Variants in ELOVL7 observed in about 807,000 individuals in gnomAD.
The protein encoded by ELOVL7 is ELOVL fatty acid elongase 7.
Under a neutral mutation model 35.7 loss-of-function variants are expected in ELOVL7, and 27 were observed. The ratio of observed to expected loss-of-function variants is 0.76; its 90% CI spans 0.56 to 1.04. The LOEUF (loss-of-function observed/expected upper bound fraction) is 1.04, where lower values mean the gene tolerates loss of function less well. Among genes scored for constraint, ELOVL7 ranks in the 50% least tolerant of loss-of-function variants. The pLI, the probability that ELOVL7 is intolerant of heterozygous loss-of-function variation, is 0.00. For missense variants in ELOVL7, 327 were observed against 340.8 expected (o/e 0.96, Z 0.32); for synonymous variants, 113 against 114.6 (o/e 0.99, Z 0.09).
At chr5:60,807,582 A>C (rs2112307985) in intron 1 of ELOVL7, among the ~76,000 whole-genome samples, 1 of 152,274 alleles carries the variant, frequency 6.6e-6, no homozygotes, top group South Asian at 2.1e-4. Context: ...GGGGGAAAGA[A>C]ACCAAAGCAA....
At chr5:60,810,753 T>G (rs1745195086) in intron 1 of ELOVL7, among the ~76,000 whole-genome samples, 1 of 152,226 alleles carries the variant, frequency 6.6e-6, no homozygotes, top group South Asian at 2.1e-4. Flanking sequence ...GCATTTCATT[T>G]GTGGATATGT....
intron 3 of ELOVL7, among the ~76,000 whole-genome samples, chr5:60,775,218 T>G (rs1742834245): frequency 6.6e-6 from 1 of 152,070 alleles, no homozygotes; most frequent in Admixed American, 6.6e-5. Context: ...AAGAATGCAA[T>G]CCTATTTACA....
At position 60,754,630 on chromosome 5, in the gene ELOVL7, A is replaced by G. The variant is rs200747496; in HGVS notation, c.840T>C (p.Asp280=). The G allele has an allele frequency of 1.9e-6, 3 of 1,614,000 alleles. No individual in the cohort carries two copies. In the East Asian group the frequency reaches 6.7e-5, roughly 36 times the overall value. The change falls in exon 9 of 9, where the codon GAT becomes GAC. Residue 280 remains aspartate (D), a synonymous_variant. Coordinates refer to ENST00000508821, the MANE Select transcript of ELOVL7 (RefSeq NM_024930.3). The part of the protein sequence containing the change: ...TVKNGTCKNK[D]N ...CATAGACTTATGTTGGGCTTCAATTATCTTTGTTTTTGCAAGTTCCATTTT... is the reference window on the plus strand; with the variant it reads ...CATAGACTTATGTTGGGCTTCAATTGTCTTTGTTTTTGCAAGTTCCATTTT...
intron 1 of ELOVL7, among the ~76,000 whole-genome samples, chr5:60,825,432 T>C (rs988514955): frequency 6.6e-6 from 1 of 152,220 alleles, no homozygotes; most frequent in African/African-American, 2.4e-5. Context: ...GTGTTATATA[T>C]ATTTATATGT....
intron 4 of ELOVL7, among the ~76,000 whole-genome samples, chr5:60,769,472 C>G (rs1383610475): frequency 6.6e-6 from 1 of 152,170 alleles, no homozygotes; most frequent in Non-Finnish European, 1.5e-5. Flanking sequence ...CTAGCACTTT[C>G]AAACAATCAC....
intron 1 of ELOVL7, among the ~76,000 whole-genome samples, chr5:60,827,718 T>A (rs563794285): frequency 6.6e-6 from 1 of 152,192 alleles, no homozygotes; most frequent in African/African-American, 2.4e-5. Context: ...CAAATGAGCA[T>A]GTAATTTATT....
rs201156536 is a variant in ELOVL7, at chr5:60,771,963, C to A, written c.195G>T (p.Lys65Asn). 3.7e-6 allele frequency: 6 copies of A among 1,613,950 alleles called. No individual in the cohort carries two copies. Among genetic ancestry groups the A allele is most frequent in the Non-Finnish European group, 4.2e-6 (5 of 1,179,934 alleles). ...LMENRKPFEL[K>N]KAMITYNFFI... ...AAAAATTGTACGTTATCATTGCTTT[C>A]TTGAGTTCAAAGGGCTTGCGATTTT... Residue 65 changes from lysine to asparagine, a missense_variant, in exon 4 of 9, where the codon AAG becomes AAT. Lys to Asn is a moderately conservative substitution (Grantham distance 94). Transcript: ENST00000508821.
chr5:60,836,158 C>T (rs1343956461), intron 1 of ELOVL7, among the ~76,000 whole-genome samples: 3 of 152,002 alleles, frequency 2.0e-5, no homozygotes, highest in African/African-American at 7.3e-5. Flanking sequence ...TATATATACA[C>T]ATTTTATTTA....
chr5:60,790,653 T>C (rs1743882600), intron 2 of ELOVL7, among the ~76,000 whole-genome samples: 1 of 152,154 alleles, frequency 6.6e-6, no homozygotes, highest in Non-Finnish European at 1.5e-5. Flanking sequence ...TAAAAAATCA[T>C]CTCTCATCTC....
chr5:60,829,637 T>G (rs1746369119), intron 1 of ELOVL7, among the ~76,000 whole-genome samples: 1 of 152,092 alleles, frequency 6.6e-6, no homozygotes, highest in African/African-American at 2.4e-5. Flanking sequence ...AAAGACATAC[T>G]AGAGAAGAAG....
intron 2 of ELOVL7, among the ~76,000 whole-genome samples, chr5:60,797,055 C>T (rs1290859398): frequency 2.6e-5 from 4 of 152,092 alleles, no homozygotes; most frequent in Non-Finnish European, 5.9e-5. Context: ...TATATTCCAG[C>T]AGAATAGTTT....
chr5:60,784,728 A>G (rs557625664), intron 3 of ELOVL7, among the ~76,000 whole-genome samples: 9 of 152,204 alleles, frequency 5.9e-5, no homozygotes, highest in Non-Finnish European at 1.2e-4. Flanking sequence ...TTCCTAATGG[A>G]TCTCAGAGAT....
intron 7 of ELOVL7, among the ~76,000 whole-genome samples, chr5:60,758,728 T>C (rs968767438): frequency 3.9e-5 from 6 of 152,202 alleles, no homozygotes; most frequent in Non-Finnish European, 7.3e-5. Flanking sequence ...TAGCTGATAG[T>C]GTGGCGGGAG....
chr5:60,784,109 G>A (rs574209063), intron 3 of ELOVL7: 1 of 1,478,882 alleles, frequency 6.8e-7, no homozygotes, highest in Admixed American at 2.0e-5. Flanking sequence ...ATATTAATGG[G>A]CTTTTCCATC....
chr5:60,826,917 TG>T (rs1746202288), intron 1 of ELOVL7, among the ~76,000 whole-genome samples: 1 of 152,188 alleles, frequency 6.6e-6, no homozygotes, highest in Non-Finnish European at 1.5e-5. Flanking sequence ...GTTAGCAGAC[TG>T]TATTTGTATC....
intron 1 of ELOVL7, among the ~76,000 whole-genome samples, chr5:60,833,370 G>A (rs1366447988): frequency 2.0e-5 from 3 of 152,068 alleles, no homozygotes; most frequent in Non-Finnish European, 2.9e-5. Flanking sequence ...CCATGACCCA[G>A]CAAAGGCTTC....
intron 2 of ELOVL7, among the ~76,000 whole-genome samples, chr5:60,794,609 T>C (rs189098450): frequency 4.9e-4 from 74 of 152,324 alleles, no homozygotes; most frequent in African/African-American, 1.7e-3. Context: ...GCAACAGACA[T>C]TGGAGACACT....
At chr5:60,781,579 AT>A (rs1743258845) in intron 3 of ELOVL7, among the ~76,000 whole-genome samples, 1 of 152,098 alleles carries the variant, frequency 6.6e-6, no homozygotes, top group Non-Finnish European at 1.5e-5. Flanking sequence ...AAAATAAATA[AT>A]TTTTTCCCGT....
intron 1 of ELOVL7, among the ~76,000 whole-genome samples, chr5:60,829,835 A>G (rs1308431442): frequency 6.6e-6 from 1 of 152,214 alleles, no homozygotes; most frequent in Non-Finnish European, 1.5e-5. Flanking sequence ...TGGCTTAGGC[A>G]AGGTTCATGA....
Sources: allele counts gnomAD v4.1 joint callset (sites outside exome capture counted in the v4.1 genomes callset), GRCh38; gene constraint gnomAD v4.1.1; transcripts MANE v1.5; gene names NCBI Gene and HGNC (gene_info 2026-07-23, HGNC 2026-07-21).